APPBP2: variants seen among roughly 807,000 people sequenced by gnomAD.
The protein encoded by APPBP2 is amyloid beta precursor protein binding protein 2, also known as amyloid protein-binding protein 2.
APPBP2 carries 15 observed loss-of-function variants against 76.0 expected under a neutral mutation model. That is an observed-to-expected ratio of 0.20 (90% CI 0.13 to 0.30). The LOEUF (loss-of-function observed/expected upper bound fraction) is 0.30. Among genes scored for constraint, APPBP2 ranks in the 10% least tolerant of loss-of-function variants. The probability of loss-of-function intolerance (pLI) is 1.00; values close to 1 mark genes in which losing one functional copy is unlikely to be tolerated. For missense variants in APPBP2, 401 were observed against 687.2 expected (o/e 0.58, Z 4.66); for synonymous variants, 222 against 242.2 (o/e 0.92, Z 0.77).
At chr17:60,472,060 A>C (rs1310186257) in intron 4 of APPBP2, among the ~76,000 whole-genome samples, 3 of 152,240 alleles carry the variant, frequency 2.0e-5, no homozygotes, top group Non-Finnish European at 4.4e-5. Flanking sequence ...TGGGAGGCGG[A>C]AGTTGCAGTG....
At chr17:60,513,357 G>A (rs1007396821) in intron 1 of APPBP2, 12 of 639,494 alleles carry the variant, frequency 1.9e-5, no homozygotes, top group African/African-American at 1.8e-4. Context: ...TAGAGGAACA[G>A]CTTATGTGGT....
rs551220170 is a variant in APPBP2, at chr17:60,444,179, G to A, written c.*3402C>T. On this transcript the variant is annotated 3_prime_UTR_variant, in exon 13 of 13. Coordinates refer to ENST00000083182, the MANE Select transcript of APPBP2 (RefSeq NM_006380.5). ...CAACTAAGTTCCTCCACAGCCAAGA[G>A]GTGAAGTACACATCCACTTCTAAAG... 6.6e-6 allele frequency: 1 copy of A among 151,714 alleles called. No individual in the cohort carries two copies. Among genetic ancestry groups the A allele is most frequent in the Non-Finnish European group, 1.5e-5 (1 of 67,972 alleles). The allele number at this position is 151,714 out of a possible 1,614,324, so 9.4% of individuals were successfully genotyped here. A position where few individuals can be genotyped will look rare whatever the true frequency, so the allele number is the denominator to read the frequency against.
At chr17:60,449,097 C>T (rs1251012935) in intron 12 of APPBP2, among the ~76,000 whole-genome samples, 1 of 152,082 alleles carries the variant, frequency 6.6e-6, no homozygotes, top group African/African-American at 2.4e-5. Flanking sequence ...ATACTACCTT[C>T]GGGCTAGAGA....
chr17:60,496,651 T>G (rs1174753328), intron 2 of APPBP2, among the ~76,000 whole-genome samples: 7 of 152,158 alleles, frequency 4.6e-5, no homozygotes, highest in Non-Finnish European at 1.0e-4. Flanking sequence ...TCAAGAAGTT[T>G]CTCTATAATC....
At chr17:60,456,443 A>G (rs2090432425) in intron 9 of APPBP2, 62 bp from the exon 10 acceptor site, 1 of 1,054,224 alleles carries the variant, frequency 9.5e-7, no homozygotes. Context: ...TAGGAATTTT[A>G]AAAATCACAA....
intron 3 of APPBP2, among the ~76,000 whole-genome samples, chr17:60,485,108 C>T (rs1346750255): frequency 2.0e-5 from 3 of 151,912 alleles, no homozygotes; most frequent in East Asian, 1.9e-4. Context: ...TTCAGTTTGC[C>T]GGTATTTTAT....
rs941878682 is a variant in APPBP2 at position 60,454,777 on chromosome 17, T to C, written c.1148-285A>G. Among the ~76,000 whole-genome samples, 4 of 152,348 alleles carry C rather than the reference T, an allele frequency of 2.6e-5. No homozygotes were observed. In the South Asian group the frequency reaches 6.2e-4, roughly 24 times the overall value. The stretch of plus-strand genomic sequence containing the variant: ...TTAATAGACTGCTATACTTTGCTGA[T>C]GTGAAATTTGTTTTTCAAATTAAAC... On this transcript the variant is annotated intron_variant, in intron 10 of 12. Transcript: ENST00000083182.
intron 5 of APPBP2, among the ~76,000 whole-genome samples, chr17:60,464,313 G>A (rs888175767): frequency 1.3e-5 from 2 of 152,172 alleles, no homozygotes; most frequent in African/African-American, 2.4e-5. Flanking sequence ...TAGCTTATCT[G>A]AATCAGACGT....
intron 12 of APPBP2, among the ~76,000 whole-genome samples, chr17:60,448,841 G>C (rs1250519307): frequency 6.6e-6 from 1 of 152,132 alleles, no homozygotes; most frequent in Non-Finnish European, 1.5e-5. Context: ...TGAGTGGGTG[G>C]GAACTGGGTA....
Position 60,479,994 on chromosome 17 carries a change from C to G in APPBP2, c.380-723G>C, listed in dbSNP as rs149594457. ...CAGTAAGTGAAAAGATTCAGATGCA[C>G]ACAATGTGACTTCAGAGGCTAAGTC... On this transcript the variant is annotated intron_variant, in intron 3 of 12. Transcript: ENST00000083182. Among the ~76,000 whole-genome samples, 855 of 152,284 alleles carry G rather than the reference C, an allele frequency of 5.6e-3. 8 individuals are homozygous for G. The highest frequency in any genetic ancestry group is 0.017 in the South Asian group (83 of 4,826).
intron 4 of APPBP2, among the ~76,000 whole-genome samples, chr17:60,466,700 A>G (rs1377245589): frequency 6.6e-6 from 1 of 152,202 alleles, no homozygotes; most frequent in Non-Finnish European, 1.5e-5. Flanking sequence ...AATATTTTAT[A>G]TATTTTATGT....
chr17:60,483,770 T>C (rs1182188163), intron 3 of APPBP2, among the ~76,000 whole-genome samples: 3 of 152,224 alleles, frequency 2.0e-5, no homozygotes, highest in African/African-American at 7.2e-5. Context: ...TTTGTTGCCA[T>C]TGCTTTTCGT....
chr17:60,503,115 C>T (rs1344588037), intron 1 of APPBP2, among the ~76,000 whole-genome samples: 3 of 142,328 alleles, frequency 2.1e-5, no homozygotes, highest in African/African-American at 3.0e-5. Context: ...TGGGTTCAAG[C>T]GATTCTCCTG....
At chr17:60,466,086 GCCT>G (rs1442780472) in intron 5 of APPBP2, among the ~76,000 whole-genome samples, 1 of 152,070 alleles carries the variant, frequency 6.6e-6, no homozygotes, top group Non-Finnish European at 1.5e-5. Context: ...CTCTACCTTG[GCCT>G]CCTAAAGTTC....
chr17:60,475,172 G>A (rs2090580408), intron 4 of APPBP2, among the ~76,000 whole-genome samples: 1 of 152,110 alleles, frequency 6.6e-6, no homozygotes, highest in African/African-American at 2.4e-5. Flanking sequence ...GGAGCTTGCA[G>A]TGAGCCGCGA....
At chr17:60,509,013 C>G (rs1287400398) in intron 1 of APPBP2, among the ~76,000 whole-genome samples, 2 of 152,110 alleles carry the variant, frequency 1.3e-5, no homozygotes, top group Non-Finnish European at 2.9e-5. Context: ...AAGAGAGACT[C>G]AAGAGGTGTA....
intron 2 of APPBP2, among the ~76,000 whole-genome samples, chr17:60,495,436 TTTA>T (rs1397793340): frequency 0.039 from 4,445 of 114,512 alleles, 232 homozygotes; most frequent in African/African-American, 0.18. Context: ...ATTTTATTTA[TTTA>T]TTATTTATTT....
chr17:60,482,359 T>C (rs950194922), intron 3 of APPBP2, among the ~76,000 whole-genome samples: 2 of 152,328 alleles, frequency 1.3e-5, no homozygotes, highest in African/African-American at 4.8e-5. Flanking sequence ...ATGTGGCCTG[T>C]CAGAAAAGGG....
intron 3 of APPBP2, 33 bp downstream of exon 3, chr17:60,494,433 A>G (rs763499294): frequency 1.3e-5 from 21 of 1,591,752 alleles, no homozygotes; most frequent in Non-Finnish European, 1.7e-5. Flanking sequence ...AGTCCATCAC[A>G]GGACAAAATA....
Sources: gnomAD v4.1 joint callset for allele counts (sites outside exome capture counted in the v4.1 genomes callset) on GRCh38, gnomAD v4.1.1 for gene constraint, MANE v1.5 for transcripts, NCBI Gene and HGNC (gene_info 2026-07-23, HGNC 2026-07-21) for gene names.